The following OPCML variants were observed in gnomAD, a reference collection of about 807,000 sequenced individuals.
OPCML encodes opioid-binding protein/cell adhesion molecule.
A neutral mutation model predicts 37.8 loss-of-function variants in OPCML; 13 were observed. That is an observed-to-expected ratio of 0.34 (90% CI 0.22 to 0.55). The LOEUF (loss-of-function observed/expected upper bound fraction) is 0.55, where lower values mean the gene tolerates loss of function less well. Ranked by LOEUF, OPCML falls within the 20% of genes least tolerant of loss-of-function variation. The pLI is 0.91. For missense variants in OPCML, 341 were observed against 435.6 expected (o/e 0.78, Z 1.93); for synonymous variants, 176 against 168.8 (o/e 1.04, Z -0.33).
chr11:133,003,712 C>G, intron 1 of OPCML: 1 of 985,400 alleles, frequency 1.0e-6, no homozygotes, highest in South Asian at 4.7e-5. Context: ...GAATTAAAGT[C>G]CCTACTTCTT....
chr11:132,821,417 T>C (rs200117475), intron 2 of OPCML, among the ~76,000 whole-genome samples: 1 of 152,318 alleles, frequency 6.6e-6, no homozygotes. Context: ...CAGAGCCACC[T>C]ATTCTGAAAG....
chr11:132,564,832 C>T (rs866981344), intron 3 of OPCML, among the ~76,000 whole-genome samples: 1 of 152,046 alleles, frequency 6.6e-6, no homozygotes, highest in African/African-American at 2.4e-5. Flanking sequence ...ACAAAGTCAA[C>T]GGGGTATGGT....
chr11:133,008,722 T>C (rs1947159226), intron 1 of OPCML: 1 of 245,532 alleles, frequency 4.1e-6, no homozygotes, highest in African/African-American at 2.3e-5. Context: ...CAGGACTGAC[T>C]GAGGCCTCTG....
chr11:132,582,988 G>A lies in OPCML; in HGVS notation c.380-53802C>T, dbSNP rs565961145. Among the ~76,000 whole-genome samples, 24 of 151,824 alleles carry A rather than the reference G, an allele frequency of 1.6e-4. No individual in the cohort carries two copies. In the East Asian group the frequency reaches 4.7e-3, roughly 30 times the overall value. ...AGCCTCCAGAGTAGCTGAGACTATA[G>A]ATGCACACCACTGTGATGCAAAATC... On this transcript the variant is annotated intron_variant, in intron 3 of 7. Coordinates refer to ENST00000524381, the MANE Select transcript of OPCML (RefSeq NM_001012393.5).
chr11:133,347,414 G>A (rs1944028397), intron 1 of OPCML, among the ~76,000 whole-genome samples: 1 of 152,178 alleles, frequency 6.6e-6, no homozygotes, highest in Admixed American at 6.5e-5. Flanking sequence ...AAGATTGCAA[G>A]CCAGCAGGAC....
intron 1 of OPCML, among the ~76,000 whole-genome samples, chr11:133,249,876 C>G (rs144688515): frequency 4.4e-4 from 67 of 152,242 alleles, no homozygotes; most frequent in Middle Eastern, 6.8e-3. Flanking sequence ...TTGTCAGAAG[C>G]ACGATGAAAA....
intron 1 of OPCML, among the ~76,000 whole-genome samples, chr11:133,108,899 T>C (rs1262833892): frequency 6.6e-6 from 1 of 152,192 alleles, no homozygotes; most frequent in Non-Finnish European, 1.5e-5. Context: ...AATACGTGTT[T>C]CCATATGCAG....
chr11:132,933,261 C>T (rs2136639044), intron 2 of OPCML, among the ~76,000 whole-genome samples: 1 of 152,270 alleles, frequency 6.6e-6, no homozygotes, highest in Non-Finnish European at 1.5e-5. Context: ...CTTTTCCAAA[C>T]CCTGAAATTT....
At chr11:132,433,310 A>G (rs148134753) in intron 7 of OPCML, among the ~76,000 whole-genome samples, 65 of 152,262 alleles carry the variant, frequency 4.3e-4, no homozygotes, top group African/African-American at 1.5e-3. Flanking sequence ...ATTCACAGTG[A>G]CACTCTCATG....
intron 1 of OPCML, among the ~76,000 whole-genome samples, chr11:133,166,674 C>T (rs971024799): frequency 1.3e-5 from 2 of 152,160 alleles, no homozygotes; most frequent in Non-Finnish European, 2.9e-5. Flanking sequence ...TGAGCCGGAC[C>T]GTGCTCCTCA....
intron 1 of OPCML, among the ~76,000 whole-genome samples, chr11:133,353,406 C>T (rs957685706): frequency 3.3e-5 from 5 of 152,130 alleles, no homozygotes; most frequent in Admixed American, 1.3e-4. Flanking sequence ...GTGATCCACC[C>T]TCCTTGGCCT....
At chr11:132,719,195 G>A (rs1294774952) in intron 2 of OPCML, among the ~76,000 whole-genome samples, 4 of 152,230 alleles carry the variant, frequency 2.6e-5, no homozygotes, top group African/African-American at 9.6e-5. Context: ...AGACACTACC[G>A]CAGTCAGGAC....
chr11:133,035,668 C>A (rs1378185733), intron 1 of OPCML, among the ~76,000 whole-genome samples: 1 of 152,126 alleles, frequency 6.6e-6, no homozygotes, highest in Non-Finnish European at 1.5e-5. Context: ...AAAGTCCTAA[C>A]TCTTAGTACC....
chr11:133,106,732 G>T (rs950375015), intron 1 of OPCML, among the ~76,000 whole-genome samples: 5 of 152,216 alleles, frequency 3.3e-5, no homozygotes, highest in Non-Finnish European at 5.9e-5. Flanking sequence ...GCTTAGGATG[G>T]GGGAGTGGAG....
chr11:132,716,504 A>G (rs888775555), intron 2 of OPCML, among the ~76,000 whole-genome samples: 1 of 152,142 alleles, frequency 6.6e-6, no homozygotes, highest in African/African-American at 2.4e-5. Context: ...CCAAATGCCA[A>G]TTGAAAACCC....
At chr11:133,309,698 C>A (rs1265445375) in intron 1 of OPCML, among the ~76,000 whole-genome samples, 1 of 152,128 alleles carries the variant, frequency 6.6e-6, no homozygotes, top group Non-Finnish European at 1.5e-5. Flanking sequence ...TGAGGAGAAA[C>A]TGGAGGAAAA....
intron 1 of OPCML, among the ~76,000 whole-genome samples, chr11:133,189,229 C>A (rs1302811244): frequency 6.6e-6 from 1 of 151,974 alleles, no homozygotes; most frequent in Non-Finnish European, 1.5e-5. Flanking sequence ...AAATCAGAAC[C>A]TGGATAAAGA....
chr11:132,941,799 C>T (rs1238461237), intron 2 of OPCML, among the ~76,000 whole-genome samples: 1 of 152,198 alleles, frequency 6.6e-6, no homozygotes, highest in East Asian at 1.9e-4. Context: ...AATCTTCACC[C>T]TTGGGCTTAG....
intron 1 of OPCML, among the ~76,000 whole-genome samples, chr11:133,023,255 C>T (rs1248098538): frequency 6.6e-6 from 1 of 152,214 alleles, no homozygotes; most frequent in African/African-American, 2.4e-5. Flanking sequence ...ATAGCTTTGG[C>T]TGTCCATTGA....
Sources: gnomAD v4.1 joint callset for allele counts (sites outside exome capture counted in the v4.1 genomes callset) on GRCh38, gnomAD v4.1.1 for gene constraint, MANE v1.5 for transcripts, NCBI Gene and HGNC (gene_info 2026-07-23, HGNC 2026-07-21) for gene names.